The following FBXL13 variants were observed in gnomAD, a reference collection of about 807,000 sequenced individuals.
The protein encoded by FBXL13 is F-box and leucine-rich repeat protein 13.
In FBXL13, 67 loss-of-function variants were observed where a neutral mutation model predicts 83.6. The ratio of observed to expected loss-of-function variants is 0.80; its 90% CI spans 0.66 to 0.98. FBXL13 has a LOEUF of 0.98. FBXL13 is among the 50% of genes least tolerant of loss of function. FBXL13 has a pLI of 0.00. For missense variants in FBXL13, 822 were observed against 866.5 expected (o/e 0.95, Z 0.64); for synonymous variants, 272 against 299.5 (o/e 0.91, Z 0.95).
chr7:103,057,512 C>T (rs1797451497), intron 1 of FBXL13, among the ~76,000 whole-genome samples: 1 of 152,036 alleles, frequency 6.6e-6, no homozygotes, highest in African/African-American at 2.4e-5. Flanking sequence ...AGAAAATCCA[C>T]CATTAAAATG....
At chr7:102,990,035 A>G (rs1010719186) in intron 6 of FBXL13, among the ~76,000 whole-genome samples, 3 of 152,258 alleles carry the variant, frequency 2.0e-5, no homozygotes, top group Non-Finnish European at 4.4e-5. Context: ...CATCATAAGT[A>G]GCACTGGCTT....
chr7:103,049,889 G>A (rs1392039179), intron 2 of FBXL13: 1 of 152,128 alleles, frequency 6.6e-6, no homozygotes, highest in Non-Finnish European at 1.5e-5. Flanking sequence ...TCAAAAAATG[G>A]CAAAGGTCAC....
chr7:103,053,752 T>C (rs1361886409), intron 2 of FBXL13, among the ~76,000 whole-genome samples: 1 of 152,120 alleles, frequency 6.6e-6, no homozygotes, highest in Admixed American at 6.5e-5. Flanking sequence ...AAAAACACAG[T>C]AATTTGCAGA....
intron 4 of FBXL13, 90 bp downstream of exon 5, chr7:103,028,510 T>C (rs2129488539): frequency 2.2e-6 from 2 of 891,632 alleles, no homozygotes; most frequent in East Asian, 3.2e-5. Context: ...TGATAGGTTC[T>C]CTAAGTACCC....
At chr7:102,898,777 G>A (rs949273415) in intron 11 of FBXL13, among the ~76,000 whole-genome samples, 8 of 152,146 alleles carry the variant, frequency 5.3e-5, no homozygotes, top group South Asian at 2.1e-4. Context: ...CAGATACATC[G>A]TCAAACATGA....
intron 18 of FBXL13, among the ~76,000 whole-genome samples, chr7:102,827,599 A>C (rs946419285): frequency 3.3e-5 from 5 of 151,818 alleles, no homozygotes; most frequent in African/African-American, 1.2e-4. Flanking sequence ...ATATGTATAC[A>C]TGTGCCATGT....
chr7:102,992,627 T>A (rs1829698281), intron 6 of FBXL13, among the ~76,000 whole-genome samples: 1 of 152,158 alleles, frequency 6.6e-6, no homozygotes, highest in Admixed American at 6.5e-5. Flanking sequence ...GGGAGGGGGA[T>A]GGGGTCTCAC....
At chr7:102,863,127 T>C (rs986124703) in intron 16 of FBXL13, among the ~76,000 whole-genome samples, 2 of 152,244 alleles carry the variant, frequency 1.3e-5, no homozygotes, top group African/African-American at 2.4e-5. Context: ...GCTCTTCCTA[T>C]TCTTTTTGCT....
chr7:102,995,659 C>T (rs1224626444), intron 6 of FBXL13, among the ~76,000 whole-genome samples: 1 of 150,506 alleles, frequency 6.6e-6, no homozygotes, highest in East Asian at 2.0e-4. Flanking sequence ...TGGTGGTGTG[C>T]ACCTGTAGTT....
At chr7:103,013,400 C>T (rs1791872520) in intron 6 of FBXL13, among the ~76,000 whole-genome samples, 1 of 152,182 alleles carries the variant, frequency 6.6e-6, no homozygotes, top group Non-Finnish European at 1.5e-5. Context: ...AAACAATTCT[C>T]AGCAAACTCC....
At chr7:102,876,263 A>G (rs1349025118) in intron 16 of FBXL13, among the ~76,000 whole-genome samples, 2 of 152,178 alleles carry the variant, frequency 1.3e-5, no homozygotes, top group Non-Finnish European at 2.9e-5. Flanking sequence ...TCAGGGATCC[A>G]CCTGGACGGG....
intron 11 of FBXL13, among the ~76,000 whole-genome samples, chr7:102,891,184 T>C (rs540853619): frequency 6.6e-6 from 1 of 152,298 alleles, no homozygotes; most frequent in South Asian, 2.1e-4. Context: ...GGTCTGGTAA[T>C]TGTCTTTCTC....
intron 6 of FBXL13, among the ~76,000 whole-genome samples, chr7:102,981,513 C>T (rs1244145031): frequency 6.6e-6 from 1 of 152,196 alleles, no homozygotes; most frequent in Non-Finnish European, 1.5e-5. Flanking sequence ...TCCTAAAGAG[C>T]ATTCTCCTAT....
chr7:102,825,823 T>G (rs1799530875), intron 18 of FBXL13, among the ~76,000 whole-genome samples: 1 of 152,238 alleles, frequency 6.6e-6, no homozygotes, highest in Non-Finnish European at 1.5e-5. Context: ...CTAGCAGTAT[T>G]TTCTCTGATT....
chr7:102,924,890 A>G (rs1355154034), intron 10 of FBXL13, among the ~76,000 whole-genome samples: 1 of 151,850 alleles, frequency 6.6e-6, no homozygotes, highest in African/African-American at 2.4e-5. Flanking sequence ...CGGCCTCCCA[A>G]AGTGCTGGGA....
At chr7:102,962,643 T>C (rs1825414846) in intron 8 of FBXL13, among the ~76,000 whole-genome samples, 1 of 152,048 alleles carries the variant, frequency 6.6e-6, no homozygotes, top group African/African-American at 2.4e-5. Flanking sequence ...CATGGAATAC[T>C]ATGCAGCCAT....
chr7:102,934,558 AG>A (rs869310099), intron 8 of FBXL13: 1 of 1,613,460 alleles, frequency 6.2e-7, no homozygotes, highest in Non-Finnish European at 8.5e-7. Context: ...GTAATGAAGA[AG>A]AAAAGGAACA....
intron 6 of FBXL13, among the ~76,000 whole-genome samples, chr7:103,024,859 T>TA (rs1585418519): frequency 2.2e-3 from 215 of 96,244 alleles, no homozygotes; most frequent in Middle Eastern, 9.8e-3. Context: ...ATATATATAT[T>TA]TTTTTTTTTT....
intron 10 of FBXL13, among the ~76,000 whole-genome samples, chr7:102,914,863 T>C (rs148911001): frequency 8.8e-4 from 134 of 152,282 alleles, no homozygotes; most frequent in African/African-American, 3.1e-3. Context: ...TATCTTCCTC[T>C]CCCTGGGGTA....
Sources: allele counts gnomAD v4.1 joint callset (sites outside exome capture counted in the v4.1 genomes callset), GRCh38; gene constraint gnomAD v4.1.1; transcripts MANE v1.5; gene names NCBI Gene and HGNC (gene_info 2026-07-23, HGNC 2026-07-21).